CYP39A1: variants seen among roughly 807,000 people sequenced by gnomAD.
The protein encoded by CYP39A1 is cytochrome P450 family 39 subfamily A member 1.
Under a neutral mutation model 58.1 loss-of-function variants are expected in CYP39A1, and 49 were observed. The observed-to-expected ratio is 0.84, with a 90% CI of 0.67 to 1.07. CYP39A1 has a LOEUF of 1.07. Among genes scored for constraint, CYP39A1 ranks in the 50% least tolerant of loss-of-function variants. The pLI is 0.00. For missense variants in CYP39A1, 531 were observed against 539.4 expected (o/e 0.98, Z 0.16); for synonymous variants, 209 against 187.6 (o/e 1.11, Z -0.93).
At chr6:46,564,136 TTCTA>T (rs1771144366) in intron 10 of CYP39A1, among the ~76,000 whole-genome samples, 1 of 121,568 alleles carries the variant, frequency 8.2e-6, no homozygotes, top group African/African-American at 5.2e-5. Flanking sequence ...TTCTATTTTA[TTCTA>T]TTCTATTTTA....
chr6:46,616,225 TCCC>T (rs1582407956), intron 7 of CYP39A1, among the ~76,000 whole-genome samples: 7 of 31,550 alleles, frequency 2.2e-4, no homozygotes, highest in Admixed American at 8.5e-4. Flanking sequence ...CCTCCCTCCC[TCCC>T]TCCCTCCCTC....
chr6:46,603,245 T>C (rs1316053179), intron 7 of CYP39A1, among the ~76,000 whole-genome samples: 1 of 152,210 alleles, frequency 6.6e-6, no homozygotes, highest in African/African-American at 2.4e-5. Flanking sequence ...AAATTCACTA[T>C]GCCAAAGGGA....
chr6:46,615,333 T>C (rs1169455134), intron 7 of CYP39A1, among the ~76,000 whole-genome samples: 1 of 151,908 alleles, frequency 6.6e-6, no homozygotes, highest in Non-Finnish European at 1.5e-5. Flanking sequence ...TATATTTATA[T>C]ATGCACATGT....
intron 5 of CYP39A1, among the ~76,000 whole-genome samples, chr6:46,632,707 A>G (rs1243718006): frequency 7.0e-6 from 1 of 142,742 alleles, no homozygotes; most frequent in Non-Finnish European, 1.5e-5. Flanking sequence ...GAAACACAAT[A>G]AAGTTAGGGA....
chr6:46,578,864 C>A (rs973456454), intron 10 of CYP39A1, among the ~76,000 whole-genome samples: 6 of 151,946 alleles, frequency 3.9e-5, no homozygotes, highest in Non-Finnish European at 8.8e-5. Flanking sequence ...CTGAATTCTA[C>A]CAGATACATA....
chr6:46,605,325 G>T (rs1002788776), intron 7 of CYP39A1, among the ~76,000 whole-genome samples: 8 of 152,104 alleles, frequency 5.3e-5, no homozygotes, highest in African/African-American at 1.9e-4. Flanking sequence ...ACAAAGCTGG[G>T]GATTTCCAAG....
chr6:46,605,268 C>T (rs900935341), intron 7 of CYP39A1, among the ~76,000 whole-genome samples: 9 of 152,078 alleles, frequency 5.9e-5, no homozygotes, highest in African/African-American at 1.9e-4. Flanking sequence ...CAGCTTTGCA[C>T]AGGAAGTGAA....
intron 10 of CYP39A1, among the ~76,000 whole-genome samples, chr6:46,575,516 T>C (rs1368306261): frequency 6.6e-6 from 1 of 152,168 alleles, no homozygotes; most frequent in Non-Finnish European, 1.5e-5. Context: ...TGCATACCCA[T>C]TGGAGCACTT....
intron 1 of CYP39A1, among the ~76,000 whole-genome samples, chr6:46,649,559 C>G (rs1182178183): frequency 6.6e-6 from 1 of 152,084 alleles, no homozygotes; most frequent in Non-Finnish European, 1.5e-5. Context: ...CTATATGGTA[C>G]TAATATGTAA....
chr6:46,649,921 T>C (rs979046474), intron 1 of CYP39A1, among the ~76,000 whole-genome samples: 3 of 151,984 alleles, frequency 2.0e-5, no homozygotes, highest in Non-Finnish European at 4.4e-5. Context: ...AAGCTGAGAG[T>C]GTTAGCTAAT....
At chr6:46,571,087 G>A (rs1771563284) in intron 10 of CYP39A1, among the ~76,000 whole-genome samples, 1 of 152,100 alleles carries the variant, frequency 6.6e-6, no homozygotes, top group Non-Finnish European at 1.5e-5. Context: ...GTAAGAAAGG[G>A]CACTTGATAT....
At chr6:46,596,289 T>C (rs753804116) in intron 7 of CYP39A1, among the ~76,000 whole-genome samples, 169 bp from the exon 8 acceptor site, 10 of 152,092 alleles carry the variant, frequency 6.6e-5, no homozygotes, top group Admixed American at 1.3e-4. Context: ...TCTTTATCAC[T>C]TTTCTCTTGA....
At chr6:46,595,156 A>C (rs1773072388) in intron 8 of CYP39A1, among the ~76,000 whole-genome samples, 1 of 151,974 alleles carries the variant, frequency 6.6e-6, no homozygotes, top group Non-Finnish European at 1.5e-5. Context: ...TAAAGATGAA[A>C]GATAATTGTG....
intron 7 of CYP39A1, among the ~76,000 whole-genome samples, chr6:46,606,033 C>A (rs1164322258): frequency 6.6e-6 from 1 of 152,096 alleles, no homozygotes; most frequent in Non-Finnish European, 1.5e-5. Flanking sequence ...CCAAGAGACT[C>A]CACAGTGACC....
chr6:46,650,206 G>A (rs1194911150), intron 1 of CYP39A1, among the ~76,000 whole-genome samples: 1 of 151,966 alleles, frequency 6.6e-6, no homozygotes, highest in African/African-American at 2.4e-5. Context: ...ACTTCTCTGG[G>A]GAAAGAAGGG....
intron 10 of CYP39A1, among the ~76,000 whole-genome samples, chr6:46,554,264 T>C (rs1254637500): frequency 6.6e-6 from 1 of 152,206 alleles, no homozygotes; most frequent in African/African-American, 2.4e-5. Flanking sequence ...TTTCAAGTGC[T>C]CAAAAGCTGC....
intron 1 of CYP39A1, among the ~76,000 whole-genome samples, chr6:46,650,449 TTTAGTAGTAAAA>T (rs1762609987): frequency 6.9e-6 from 1 of 145,810 alleles, no homozygotes; most frequent in Admixed American, 6.9e-5. Context: ...CTTAAAAGCT[TTTAGTAGTAAAA>T]CATCAAATAA....
chr6:46,587,395 T>G lies in CYP39A1; in HGVS notation c.1162-230A>C, dbSNP rs573260427. 3.3e-5 allele frequency among the ~76,000 whole-genome samples: 5 copies of G among 152,210 alleles called. No individual in the cohort carries two copies. In the East Asian group the frequency reaches 9.7e-4, roughly 29 times the overall value. ...AATTCTGTTAAGTGGTAAATGTAAA[T>G]GATAAGGTAAATCAACCACAGAATT... On this transcript the variant is annotated intron_variant, in intron 9 of 11. Transcript: ENST00000275016.
At chr6:46,641,219 C>T (rs1776317157) in intron 2 of CYP39A1, among the ~76,000 whole-genome samples, 5 of 151,946 alleles carry the variant, frequency 3.3e-5, no homozygotes, top group Admixed American at 2.0e-4. Flanking sequence ...TGAAGGGATA[C>T]GCGACTCTAC....
Sources: gnomAD v4.1 joint callset for allele counts (sites outside exome capture counted in the v4.1 genomes callset) on GRCh38, gnomAD v4.1.1 for gene constraint, MANE v1.5 for transcripts, NCBI Gene and HGNC (gene_info 2026-07-23, HGNC 2026-07-21) for gene names.